MAOB: variants seen among roughly 807,000 people sequenced by gnomAD.
MAOB encodes the protein monoamine oxidase B.
MAOB carries 15 observed loss-of-function variants against 41.9 expected under a neutral mutation model. That is an observed-to-expected ratio of 0.36 (90% CI 0.24 to 0.55). The LOEUF (loss-of-function observed/expected upper bound fraction) is 0.55. MAOB is among the 20% of genes least tolerant of loss of function. MAOB has a pLI of 0.86. For missense variants in MAOB, 345 were observed against 398.7 expected (o/e 0.87, Z 1.15); for synonymous variants, 167 against 144.2 (o/e 1.16, Z -1.13).
intron 1 of MAOB, among the ~76,000 whole-genome samples, chrX:43,869,229 A>G (rs2035385602): frequency 8.9e-6 from 1 of 111,830 alleles, no homozygotes; most frequent in Non-Finnish European, 1.9e-5. Context: ...TCTCTCTATT[A>G]TAATTTGTTT....
At chrX:43,877,396 G>A (rs2035446687) in intron 1 of MAOB, among the ~76,000 whole-genome samples, 1 of 110,329 alleles carries the variant, frequency 9.1e-6, no homozygotes, top group South Asian at 3.9e-4. Flanking sequence ...TACTCACACA[G>A]CCCACCAACC....
At position 43,797,266 on chromosome X, in the gene MAOB, T is replaced by C; in HGVS notation, c.477A>G (p.Glu159=). Residue 159 remains glutamate, a splice_region_variant and synonymous_variant, in exon 6 of 15, where the codon GAA becomes GAG. Coordinates refer to ENST00000378069, the MANE Select transcript of MAOB (RefSeq NM_000898.5). ...KELLDKLCWT[E]SAKQLATLFV... ...AGAGAGTGGCAAGCTGCTTTGCAGA[T>C]CTGCACAGGAAGAAACAAGAGCAAA... 8.5e-7 allele frequency: 1 copy of C among 1,179,836 alleles called. No individual in the cohort carries two copies. The highest frequency in any genetic ancestry group is 1.1e-6 in the Non-Finnish European group (1 of 879,218).
intron 1 of MAOB, among the ~76,000 whole-genome samples, chrX:43,874,579 G>A (rs376077167): frequency 9.0e-6 from 1 of 111,310 alleles, no homozygotes; most frequent in East Asian, 2.8e-4. Context: ...TCAATTGCTC[G>A]TTTTTGGATC....
At chrX:43,778,622 G>A (rs1253519512) in intron 11 of MAOB, 60 bp downstream of exon 11, 1 of 960,282 alleles carries the variant, frequency 1.0e-6, no homozygotes, top group Admixed American at 2.7e-5. Flanking sequence ...ATCCCTGCTA[G>A]TCACTTGGGG....
intron 4 of MAOB, 38 bp from the exon 5 acceptor site, chrX:43,802,301 G>C (rs1256776882): frequency 1.1e-6 from 1 of 904,693 alleles, no homozygotes; most frequent in Non-Finnish European, 1.6e-6. Flanking sequence ...AAAGACAAAT[G>C]TAATTTTCTC....
chrX:43,859,496 T>C (rs754083015), intron 1 of MAOB, among the ~76,000 whole-genome samples: 1 of 111,774 alleles, frequency 8.9e-6, no homozygotes, highest in East Asian at 2.8e-4. Flanking sequence ...CCTCCATCCC[T>C]CTTCAGCTGA....
chrX:43,769,546 G>A (rs1601959882), intron 12 of MAOB, 128 bp from the exon 13 acceptor site: 3 of 991,859 alleles, frequency 3.0e-6, no homozygotes, highest in Admixed American at 4.6e-5. Context: ...GGCAATTTTG[G>A]AATAATGTTT....
intron 3 of MAOB, among the ~76,000 whole-genome samples, chrX:43,836,536 T>G (rs1476307978): frequency 2.7e-5 from 3 of 112,267 alleles, no homozygotes; most frequent in Non-Finnish European, 5.6e-5. Context: ...GAGAGTAAGT[T>G]ACTACGTAAA....
chrX:43,843,909 C>A, intron 1 of MAOB, 145 bp from the exon 2 acceptor site: 1 of 1,006,243 alleles, frequency 9.9e-7, no homozygotes. Context: ...TACGGTTTGT[C>A]AATAGAGGCC....
intron 1 of MAOB, among the ~76,000 whole-genome samples, chrX:43,868,300 T>C (rs1240832553): frequency 8.9e-6 from 1 of 112,518 alleles, no homozygotes; most frequent in African/African-American, 3.2e-5. Flanking sequence ...ATTTTTCTTC[T>C]ACATGCAAAA....
chrX:43,794,713 T>A (rs765726142), intron 7 of MAOB, among the ~76,000 whole-genome samples: 3 of 110,141 alleles, frequency 2.7e-5, no homozygotes, highest in Non-Finnish European at 5.7e-5. Context: ...ATTCTGGTTC[T>A]CTTTTCCTTT....
At chrX:43,830,660 C>T (rs951116268) in intron 3 of MAOB, among the ~76,000 whole-genome samples, 6 of 111,672 alleles carry the variant, frequency 5.4e-5, no homozygotes, top group Non-Finnish European at 1.1e-4. Context: ...GCCTGGTCCT[C>T]TTTTGAAAAG....
chrX:43,827,212 T>C (rs1006558469), intron 3 of MAOB, among the ~76,000 whole-genome samples: 7 of 111,787 alleles, frequency 6.3e-5, no homozygotes, highest in African/African-American at 2.3e-4. Context: ...CACAATTTAA[T>C]GGCTTAAGGC....
chrX:43,794,251 C>T (rs1487181770), intron 7 of MAOB, among the ~76,000 whole-genome samples: 1 of 111,083 alleles, frequency 9.0e-6, no homozygotes, highest in African/African-American at 3.3e-5. Context: ...ACTGGCTGTT[C>T]CATCTTCTTC....
chrX:43,815,330 A>G (rs913395437), intron 3 of MAOB, among the ~76,000 whole-genome samples: 2 of 111,955 alleles, frequency 1.8e-5, no homozygotes, highest in Non-Finnish European at 3.8e-5. Flanking sequence ...TAGGACATGT[A>G]ATTTTTGGAT....
At chrX:43,867,641 C>T (rs779084427) in intron 1 of MAOB, among the ~76,000 whole-genome samples, 2 of 112,235 alleles carry the variant, frequency 1.8e-5, no homozygotes, top group Admixed American at 9.4e-5. Context: ...TATAGGAACG[C>T]TGTATTTGTT....
intron 1 of MAOB, among the ~76,000 whole-genome samples, chrX:43,847,655 G>A (rs1440405828): frequency 8.9e-6 from 1 of 112,181 alleles, no homozygotes; most frequent in Non-Finnish European, 1.9e-5. Context: ...TACACTGATT[G>A]ATATAAAGTG....
At chrX:43,779,705 G>A (rs7890174) in intron 10 of MAOB, among the ~76,000 whole-genome samples, 6,071 of 110,981 alleles carry the variant, frequency 0.055, 331 homozygotes, top group South Asian at 0.18. Context: ...AGACCGCTAC[G>A]GCCCTGGCTA....
chrX:43,803,902 G>T (rs1211492401), intron 3 of MAOB, among the ~76,000 whole-genome samples: 4 of 111,190 alleles, frequency 3.6e-5, no homozygotes, highest in Admixed American at 9.6e-5. Context: ...ACTCAGATGT[G>T]CTAGGTAAAC....
Sources: gnomAD v4.1 joint callset for allele counts (sites outside exome capture counted in the v4.1 genomes callset) on GRCh38, gnomAD v4.1.1 for gene constraint, MANE v1.5 for transcripts, NCBI Gene and HGNC (gene_info 2026-07-23, HGNC 2026-07-21) for gene names.